PPP3CA: variants seen among roughly 807,000 people sequenced by gnomAD.
The protein encoded by PPP3CA is protein phosphatase 3 catalytic subunit alpha, also known as CAM-PRP catalytic subunit.
In PPP3CA, 14 loss-of-function variants were observed where a neutral mutation model predicts 66.5. The observed-to-expected ratio is 0.21, with a 90% CI of 0.14 to 0.33. The LOEUF is 0.33. Ranked by LOEUF, PPP3CA falls within the 10% of genes least tolerant of loss-of-function variation. PPP3CA has a pLI of 1.00. For synonymous variants in PPP3CA, 232 were observed against 226.2 expected, an observed-to-expected ratio of 1.03 and a Z score of -0.23; for missense variants, 317 against 639.5, an observed-to-expected ratio of 0.50 and a Z score of 5.44.
rs767574926 is a variant in PPP3CA, at chr4:101,330,395, C to T, written c.58+16344G>A. The T allele has an allele frequency of 5.7e-6, 3 of 530,952 alleles. No individual in the cohort carries two copies. The Admixed American group carries it at 5.9e-5, about 10-fold the overall frequency. 32.9% of individuals were successfully genotyped at this position (530,952 alleles called of 1,614,324 possible). A position where few individuals can be genotyped will look rare whatever the true frequency, so the allele number is the denominator to read the frequency against. ...ACTTTCTTTGCTCATCCTTGAGAAGCAACTCAAAGGATTTCCAATACTACA... is the reference window on the plus strand; with the variant it reads ...ACTTTCTTTGCTCATCCTTGAGAAGTAACTCAAAGGATTTCCAATACTACA... On this transcript the variant is annotated intron_variant, in intron 1 of 13. Coordinates refer to ENST00000394854, the MANE Select transcript of PPP3CA (RefSeq NM_000944.5).
At chr4:101,083,498 A>G (rs1394290148) in intron 6 of PPP3CA, among the ~76,000 whole-genome samples, 1 of 152,158 alleles carries the variant, frequency 6.6e-6, no homozygotes, top group African/African-American at 2.4e-5. Context: ...GGGGGAAAAA[A>G]CATAAGCCAT....
chr4:101,304,607 C>A (rs1212624723), intron 1 of PPP3CA, among the ~76,000 whole-genome samples: 1 of 152,152 alleles, frequency 6.6e-6, no homozygotes, highest in African/African-American at 2.4e-5. Flanking sequence ...AGACTTCGAA[C>A]AATTTCCTAA....
chr4:101,072,698 T>C (rs1728968144), intron 8 of PPP3CA, among the ~76,000 whole-genome samples: 1 of 152,096 alleles, frequency 6.6e-6, no homozygotes, highest in Non-Finnish European at 1.5e-5. Flanking sequence ...AAGGGAAATA[T>C]TTATATTTGC....
intron 5 of PPP3CA, 59 bp downstream of exon 5, chr4:101,098,308 T>G: frequency 6.9e-7 from 1 of 1,454,910 alleles, no homozygotes; most frequent in East Asian, 2.6e-5. Flanking sequence ...GTAATTAATG[T>G]CTTCTATTTA....
chr4:101,200,443 G>A (rs375220481), intron 1 of PPP3CA, among the ~76,000 whole-genome samples: 6 of 152,210 alleles, frequency 3.9e-5, no homozygotes, highest in African/African-American at 1.2e-4. Flanking sequence ...TCACATTCAT[G>A]TAACCTGGGA....
chr4:101,150,117 C>G (rs1723091466), intron 2 of PPP3CA, among the ~76,000 whole-genome samples: 1 of 152,024 alleles, frequency 6.6e-6, no homozygotes. Flanking sequence ...CTTTCACCCA[C>G]CCCACTATAT....
intron 2 of PPP3CA, among the ~76,000 whole-genome samples, chr4:101,118,374 T>C (rs542885551): frequency 2.0e-5 from 3 of 149,712 alleles, no homozygotes; most frequent in East Asian, 2.0e-4. Flanking sequence ...AACATCAAAA[T>C]AGCACTTCCT....
chr4:101,313,708 T>C (rs1480964203), intron 1 of PPP3CA, among the ~76,000 whole-genome samples: 2 of 152,184 alleles, frequency 1.3e-5, no homozygotes, highest in Non-Finnish European at 2.9e-5. Context: ...AGGAGTCCCA[T>C]TAAACTGACT....
chr4:101,307,242 C>A (rs537488107), intron 1 of PPP3CA, among the ~76,000 whole-genome samples: 2 of 151,322 alleles, frequency 1.3e-5, no homozygotes, highest in South Asian at 4.2e-4. Context: ...CGTGGAAAAC[C>A]TGAATGTCTG....
chr4:101,250,240 C>G (rs1726630228), intron 1 of PPP3CA: 1 of 393,546 alleles, frequency 2.5e-6, no homozygotes, highest in African/African-American at 2.1e-5. Flanking sequence ...CAAGGTCACG[C>G]AGTGTGGTGT....
At chr4:101,120,163 G>C (rs1455905884) in intron 2 of PPP3CA, among the ~76,000 whole-genome samples, 1 of 151,846 alleles carries the variant, frequency 6.6e-6, no homozygotes, top group Non-Finnish European at 1.5e-5. Context: ...TCTTTCACTA[G>C]GTAGATATTC....
At chr4:101,288,924 C>T (rs910907987) in intron 1 of PPP3CA, among the ~76,000 whole-genome samples, 2 of 151,802 alleles carry the variant, frequency 1.3e-5, no homozygotes, top group African/African-American at 2.4e-5. Flanking sequence ...CTTTTTGATT[C>T]GAAACATTTC....
At chr4:101,078,520 T>A (rs1729287154) in intron 8 of PPP3CA, among the ~76,000 whole-genome samples, 1 of 152,234 alleles carries the variant, frequency 6.6e-6, no homozygotes, top group Non-Finnish European at 1.5e-5. Context: ...CGTGTTTGAC[T>A]CTCTTTGTTT....
Sources: allele counts gnomAD v4.1 joint callset (sites outside exome capture counted in the v4.1 genomes callset), GRCh38; gene constraint gnomAD v4.1.1; transcripts MANE v1.5; gene names NCBI Gene and HGNC (gene_info 2026-07-23, HGNC 2026-07-21).